Variants in FAF2 observed in about 807,000 individuals in gnomAD.
The protein encoded by FAF2 is FAS-associated factor 2.
Under a neutral mutation model 62.3 loss-of-function variants are expected in FAF2, and 9 were observed. That is an observed-to-expected ratio of 0.14 (90% confidence interval 0.09 to 0.25). The LOEUF (loss-of-function observed/expected upper bound fraction) is 0.25, where lower values mean the gene tolerates loss of function less well. Ranked by LOEUF, FAF2 falls within the 10% of genes least tolerant of loss-of-function variation. The pLI, the probability that FAF2 is intolerant of heterozygous loss-of-function variation, is 1.00. For synonymous variants in FAF2, 202 were observed against 198.0 expected (o/e 1.02, Z -0.17); for missense variants, 368 against 556.2 (o/e 0.66, Z 3.40).
intron 1 of FAF2, among the ~76,000 whole-genome samples, chr5:176,449,745 GTAAA>G (rs1317024455): frequency 6.6e-6 from 1 of 152,226 alleles, no homozygotes; most frequent in Non-Finnish European, 1.5e-5. Flanking sequence ...TATAAAATGT[GTAAA>G]TATTCATTTA....
intron 2 of FAF2, among the ~76,000 whole-genome samples, chr5:176,482,982 G>A (rs1169270964): frequency 6.6e-6 from 1 of 151,526 alleles, no homozygotes; most frequent in Non-Finnish European, 1.5e-5. Context: ...CGCCCGCCTC[G>A]GCCTCCCAAA....
chr5:176,490,137 C>T (rs534619018), intron 4 of FAF2, among the ~76,000 whole-genome samples: 20 of 152,100 alleles, frequency 1.3e-4, no homozygotes, highest in African/African-American at 4.6e-4. Flanking sequence ...CGGTGAAACC[C>T]TGTCTCTACT....
chr5:176,488,004 G>C (rs1758903921), intron 3 of FAF2, among the ~76,000 whole-genome samples: 1 of 151,992 alleles, frequency 6.6e-6, no homozygotes, highest in South Asian at 2.1e-4. Flanking sequence ...CACCGCGTCT[G>C]GCTAATTTTT....
chr5:176,463,049 T>C (rs1181894331), intron 1 of FAF2, among the ~76,000 whole-genome samples: 1 of 152,152 alleles, frequency 6.6e-6, no homozygotes, highest in African/African-American at 2.4e-5. Context: ...TTGTTTGTGT[T>C]TGTTTTAGTG....
chr5:176,492,044 T>C (rs1758978531), intron 4 of FAF2, 150 bp from the exon 5 acceptor site: 5 of 832,216 alleles, frequency 6.0e-6, no homozygotes, highest in Non-Finnish European at 1.0e-5. Context: ...AACCAGACTC[T>C]ACTCTCGGAT....
chr5:176,494,570 T>C lies in FAF2; in HGVS notation c.661+295T>C, dbSNP rs1759032003. On this transcript the variant is annotated intron_variant, in intron 7 of 10. Coordinates refer to ENST00000261942, the MANE Select transcript of FAF2 (RefSeq NM_014613.3). The surrounding 1 kb of genome is among the most constrained non-coding windows in gnomAD (Gnocchi z 4.0). ...TTATTTAATTAATTAAAAAAATTTT[T>C]TTGAGATGGAGTCTTGCTCTGTCGC... is the stretch of plus-strand genomic sequence containing the variant. 2.0e-5 allele frequency among the ~76,000 whole-genome samples: 3 copies of C among 152,184 alleles called. No individual in the cohort carries two copies. The highest frequency in any genetic ancestry group is 4.1e-4 in the South Asian group (2 of 4,830).
At chr5:176,483,666 C>T (rs758165869) in intron 2 of FAF2, among the ~76,000 whole-genome samples, 6 of 152,158 alleles carry the variant, frequency 3.9e-5, no homozygotes, top group African/African-American at 7.2e-5. Context: ...TTCAGAGTGT[C>T]GCAAAACCGT....
At chr5:176,495,989 G>C (rs1267835566) in intron 7 of FAF2, among the ~76,000 whole-genome samples, 1 of 152,112 alleles carries the variant, frequency 6.6e-6, no homozygotes, top group Non-Finnish European at 1.5e-5. Flanking sequence ...TTTTAGGTTT[G>C]AGCCCTTGTA....
In FAF2 at chr5:176,494,923, C is replaced by A. The variant is rs1169830460; in HGVS notation, c.661+648C>A. 2.6e-5 allele frequency among the ~76,000 whole-genome samples: 4 copies of A among 152,188 alleles called. No homozygotes were observed. Among genetic ancestry groups the A allele is most frequent in the African/African-American group, 9.7e-5 (4 of 41,450 alleles). ...TTCTTCACATTCAGCATTGCCAAAG[C>A]CTGCCACATTCATAGAAATACCCAG... is the stretch of plus-strand genomic sequence containing the variant. On this transcript the variant is annotated intron_variant, in intron 7 of 10. Coordinates refer to ENST00000261942, the MANE Select transcript of FAF2 (RefSeq NM_014613.3). The surrounding 1 kb of genome is among the most constrained non-coding windows in gnomAD (Gnocchi z 4.0).
At chr5:176,479,353 T>A in intron 2 of FAF2, 97 bp downstream of exon 2, 1 of 965,162 alleles carries the variant, frequency 1.0e-6, no homozygotes, top group East Asian at 2.4e-5. Flanking sequence ...TTTCAGTAGA[T>A]TTTTTTCAGA....
At chr5:176,454,960 C>T (rs1758257415) in intron 1 of FAF2, among the ~76,000 whole-genome samples, 1 of 152,100 alleles carries the variant, frequency 6.6e-6, no homozygotes, top group African/African-American at 2.4e-5. Flanking sequence ...TTATGTTTGT[C>T]ACATGTGTTT....
At position 176,451,887 on chromosome 5, in the gene FAF2, T is replaced by C. The variant is rs868184163; in HGVS notation, c.63+3417T>C. The stretch of plus-strand genomic sequence containing the variant: ...ATATATATACACACATATATATATA[T>C]ATATATTTTTTTTTTTTTTTTTTTT... On this transcript the variant is annotated intron_variant, in intron 1 of 10. Coordinates refer to ENST00000261942, the MANE Select transcript of FAF2 (RefSeq NM_014613.3). Among the ~76,000 whole-genome samples, 38 of 28,220 alleles carry C rather than the reference T, an allele frequency of 1.3e-3. 3 individuals are homozygous for C. The South Asian group carries it at 0.032, about 24-fold the overall frequency. 18.5% of individuals were successfully genotyped at this position (28,220 alleles called of 152,430 possible).
intron 1 of FAF2, among the ~76,000 whole-genome samples, chr5:176,457,992 G>T (rs1243797753): frequency 1.3e-5 from 2 of 152,098 alleles, no homozygotes; most frequent in Non-Finnish European, 2.9e-5. Context: ...TTGTATAACT[G>T]GTAGCCCACA....
intron 2 of FAF2, among the ~76,000 whole-genome samples, chr5:176,479,751 C>T (rs1382925014): frequency 6.6e-6 from 1 of 151,936 alleles, no homozygotes; most frequent in Non-Finnish European, 1.5e-5. Flanking sequence ...GGCTAGAGTG[C>T]AGTGGCGTGC....
rs1755747550 is a variant in FAF2, at chr5:176,509,783, A to G, written c.*2833A>G. 6.6e-6 allele frequency: 1 copy of G among 152,662 alleles called. No individual in the cohort carries two copies. The highest frequency in any genetic ancestry group is 1.5e-5 in the Non-Finnish European group (1 of 68,042). 9.5% of individuals were successfully genotyped at this position (152,662 alleles called of 1,614,324 possible). A position where few individuals can be genotyped will look rare whatever the true frequency, so the allele number is the denominator to read the frequency against. Reference sequence around the variant, plus strand: ...TTGCTAATGGTGCCAAGGCCAAGCAAAGAGTTTCAGAAAATGACTGAGAAG... The same window carrying G: ...TTGCTAATGGTGCCAAGGCCAAGCAGAGAGTTTCAGAAAATGACTGAGAAG... On this transcript the variant is annotated 3_prime_UTR_variant, in exon 11 of 11. Transcript: ENST00000261942.
At chr5:176,448,512 G>A in intron 1 of FAF2, 42 bp downstream of exon 1, 1 of 1,554,658 alleles carries the variant, frequency 6.4e-7, no homozygotes, top group Non-Finnish European at 8.7e-7. Flanking sequence ...TCCGTGGGAT[G>A]GGGAGTAGGC....
At chr5:176,475,190 A>G (rs1172991943) in intron 1 of FAF2, among the ~76,000 whole-genome samples, 2 of 152,174 alleles carry the variant, frequency 1.3e-5, no homozygotes, top group African/African-American at 4.8e-5. Flanking sequence ...GTTGGAGTGC[A>G]GTGGCGCAGT....
chr5:176,462,060 C>A (rs967874167), intron 1 of FAF2, among the ~76,000 whole-genome samples: 5 of 152,054 alleles, frequency 3.3e-5, no homozygotes, highest in Non-Finnish European at 7.4e-5. Context: ...GAGGATCACC[C>A]GAGGTCAGGA....
chr5:176,498,892 C>T (rs772276332), intron 8 of FAF2, 22 bp from the exon 9 acceptor site: 67 of 1,518,176 alleles, frequency 4.4e-5, no homozygotes, highest in Non-Finnish European at 5.9e-5. Flanking sequence ...TTTTTCTTCT[C>T]TTGCTTTTGA....
Sources: allele counts gnomAD v4.1 joint callset (sites outside exome capture counted in the v4.1 genomes callset), GRCh38; gene constraint gnomAD v4.1.1; non-coding constraint Gnocchi (gnomAD v3.1); transcripts MANE v1.5; gene names NCBI Gene and HGNC (gene_info 2026-07-23, HGNC 2026-07-21).